The following TNS3 variants were observed in gnomAD, a reference collection of about 807,000 sequenced individuals.
The protein encoded by TNS3 is tensin 3.
A neutral mutation model predicts 140.9 loss-of-function variants in TNS3; 45 were observed. The ratio of observed to expected loss-of-function variants is 0.32; its 90% CI spans 0.25 to 0.41. TNS3 has a LOEUF of 0.41. Among genes scored for constraint, TNS3 ranks in the 10% least tolerant of loss-of-function variants. The pLI is 1.00. For synonymous variants in TNS3, 815 were observed against 788.4 expected, an observed-to-expected ratio of 1.03 and a Z score of -0.56; for missense variants, 1,716 against 1,906.7, an observed-to-expected ratio of 0.90 and a Z score of 1.86.
chr7:47,344,481 G>A (rs945343328), intron 20 of TNS3, among the ~76,000 whole-genome samples: 4 of 152,154 alleles, frequency 2.6e-5, no homozygotes, highest in African/African-American at 7.2e-5. Flanking sequence ...TAAGCTGCCC[G>A]ACAGTCACCA....
intron 1 of TNS3, among the ~76,000 whole-genome samples, chr7:47,552,725 C>A (rs1480448002): frequency 4.6e-5 from 7 of 152,156 alleles, no homozygotes; most frequent in Non-Finnish European, 1.0e-4. Context: ...CCCTGAGACA[C>A]AACAACACTG....
intron 1 of TNS3, among the ~76,000 whole-genome samples, chr7:47,556,467 C>T (rs1800198467): frequency 1.3e-5 from 2 of 152,146 alleles, no homozygotes; most frequent in South Asian, 4.1e-4. Context: ...CCCTAGGAGC[C>T]TCCGGCCTGA....
At chr7:47,438,526 A>G (rs76552224) in intron 6 of TNS3, among the ~76,000 whole-genome samples, 20,160 of 152,190 alleles carry the variant, frequency 0.13, 2,085 homozygotes, top group African/African-American at 0.28. Context: ...ACCACCATCA[A>G]ATGGGGCTTG....
chr7:47,360,868 G>A (rs187955904), intron 17 of TNS3, among the ~76,000 whole-genome samples: 5 of 152,230 alleles, frequency 3.3e-5, no homozygotes, highest in Admixed American at 2.0e-4. Context: ...CACACAGTAC[G>A]GAAATAACGA....
At chr7:47,456,367 C>T (rs965340651) in intron 4 of TNS3, among the ~76,000 whole-genome samples, 12 of 152,128 alleles carry the variant, frequency 7.9e-5, no homozygotes, top group African/African-American at 2.9e-4. Context: ...CTCTATTAAA[C>T]ATTCACCAGC....
At chr7:47,408,612 G>A (rs2151389598) in intron 13 of TNS3, among the ~76,000 whole-genome samples, 1 of 152,296 alleles carries the variant, frequency 6.6e-6, no homozygotes, top group Middle Eastern at 3.4e-3. Flanking sequence ...CGCTGTCCTG[G>A]GAGACTTATG....
At chr7:47,282,526 T>C (rs1343064422) in intron 28 of TNS3, among the ~76,000 whole-genome samples, 1 of 151,944 alleles carries the variant, frequency 6.6e-6, no homozygotes, top group African/African-American at 2.4e-5. Flanking sequence ...GCCATGCCCC[T>C]GACCCTGAGA....
intron 28 of TNS3, among the ~76,000 whole-genome samples, chr7:47,282,686 C>T (rs4724560): frequency 0.62 from 94,393 of 152,024 alleles, 29,846 homozygotes; most frequent in Middle Eastern, 0.77. Flanking sequence ...CATTGGGACC[C>T]TGCCCAGGGT....
chr7:47,409,414 CGGTAGGGG>C (rs959396156), intron 13 of TNS3, among the ~76,000 whole-genome samples: 1 of 151,964 alleles, frequency 6.6e-6, no homozygotes, highest in African/African-American at 2.4e-5. Context: ...TCTTGGTGGG[CGGTAGGGG>C]GGAAGACACA....
intron 4 of TNS3, among the ~76,000 whole-genome samples, chr7:47,475,650 C>T (rs1160195482): frequency 7.9e-5 from 12 of 152,180 alleles, no homozygotes; most frequent in African/African-American, 2.9e-4. Flanking sequence ...CTGCCCTGCA[C>T]CTGAGGGCAT....
rs540388315 is a variant in TNS3 at position 47,327,253 on chromosome 7, T to A, written c.2650+17502A>T. On this transcript the variant is annotated intron_variant, in intron 20 of 30. Coordinates refer to ENST00000311160, the MANE Select transcript of TNS3 (RefSeq NM_022748.12). The stretch of plus-strand genomic sequence containing the variant: ...ACATAATCTGAGCAGGTTCTTTCAG[T>A]GAATGCATGGGTTTTTGTTTTTGTT... Among the ~76,000 whole-genome samples, 3 of 151,736 alleles carry A rather than the reference T, an allele frequency of 2.0e-5. No individual in the cohort carries two copies. The Admixed American group carries it at 2.0e-4, about 10-fold the overall frequency.
chr7:47,568,766 G>C (rs968506854), intron 1 of TNS3, among the ~76,000 whole-genome samples: 1 of 152,244 alleles, frequency 6.6e-6, no homozygotes, highest in Non-Finnish European at 1.5e-5. Flanking sequence ...GGGGAGTCGT[G>C]AGTGGCACCC....
At chr7:47,356,966 TC>T (rs1286400917) in intron 17 of TNS3, among the ~76,000 whole-genome samples, 1 of 150,072 alleles carries the variant, frequency 6.7e-6, no homozygotes, top group African/African-American at 2.4e-5. Context: ...CACATGCCTG[TC>T]GTCCTAACTA....
intron 1 of TNS3, chr7:47,539,099 A>G (rs1338142704): frequency 6.6e-6 from 3 of 456,714 alleles, no homozygotes; most frequent in South Asian, 3.1e-5. Context: ...GAACCGGCCA[A>G]AGAAATCTGA....
At chr7:47,544,258 G>C (rs537607248) in intron 1 of TNS3, among the ~76,000 whole-genome samples, 106 of 149,886 alleles carry the variant, frequency 7.1e-4, no homozygotes, top group African/African-American at 2.6e-3. Context: ...TGGGTCGGGG[G>C]TGGGGGTGCC....
intron 22 of TNS3, 120 bp downstream of exon 22, chr7:47,302,830 T>C (rs775449663): frequency 2.5e-4 from 341 of 1,363,626 alleles, no homozygotes; most frequent in Middle Eastern, 5.4e-4. Context: ...GGCTCTGGAT[T>C]TCCTCTCCAG....
chr7:47,301,679 C>T (rs1465436625), intron 23 of TNS3, among the ~76,000 whole-genome samples: 1 of 150,422 alleles, frequency 6.6e-6, no homozygotes, highest in Non-Finnish European at 1.5e-5. Flanking sequence ...CAGAGAGATG[C>T]TCTGTCTGGT....
Position 47,497,909 on chromosome 7 carries a change from G to C in TNS3, c.-115+8998C>G, listed in dbSNP as rs576724894. ...TACTGTCACCATGAAAGTGGCATCT[G>C]TTTTGAATTCAGGGGCCTCATCTTC... On this transcript the variant is annotated intron_variant, in intron 3 of 30. Transcript: ENST00000311160. Among the ~76,000 whole-genome samples the C allele has an allele frequency of 2.6e-5, 4 of 152,252 alleles. No homozygotes were observed. In the South Asian group the frequency reaches 8.3e-4, roughly 32 times the overall value.
At chr7:47,445,591 G>A (rs1019572482) in intron 4 of TNS3, among the ~76,000 whole-genome samples, 1 of 152,254 alleles carries the variant, frequency 6.6e-6, no homozygotes, top group East Asian at 1.9e-4. Context: ...GTGCCAAAAA[G>A]GGCAGAGAAA....
Sources: allele counts gnomAD v4.1 joint callset (sites outside exome capture counted in the v4.1 genomes callset), GRCh38; gene constraint gnomAD v4.1.1; transcripts MANE v1.5; gene names NCBI Gene and HGNC (gene_info 2026-07-23, HGNC 2026-07-21).